Variants in CHSY3 observed in about 807,000 individuals in gnomAD.
The protein encoded by CHSY3 is chondroitin sulfate synthase 3, also known as N-acetylgalactosaminyl-proteoglycan 3-beta-glucuronosyltransferase 3.
In CHSY3, 35 loss-of-function variants were observed where a neutral mutation model predicts 67.2. The observed-to-expected ratio is 0.52, with a 90% CI of 0.40 to 0.69. CHSY3 has a LOEUF of 0.69. Among genes scored for constraint, CHSY3 ranks in the 30% least tolerant of loss-of-function variants. The probability of loss-of-function intolerance (pLI) is 0.00; values close to 1 mark genes in which losing one functional copy is unlikely to be tolerated. For synonymous variants in CHSY3, 474 were observed against 434.7 expected, an observed-to-expected ratio of 1.09 and a Z score of -1.12; for missense variants, 1,069 against 1,138.5, an observed-to-expected ratio of 0.94 and a Z score of 0.88.
intron 2 of CHSY3, among the ~76,000 whole-genome samples, chr5:129,971,588 G>A (rs944059071): frequency 1.4e-4 from 22 of 151,994 alleles, no homozygotes; most frequent in African/African-American, 5.1e-4. Flanking sequence ...TTTTACAAAT[G>A]AGAAAATTGT....
chr5:130,161,342 TTATC>T (rs1247032509), intron 2 of CHSY3, among the ~76,000 whole-genome samples: 5 of 152,210 alleles, frequency 3.3e-5, no homozygotes, highest in African/African-American at 1.2e-4. Flanking sequence ...ACTGATCTAT[TTATC>T]TATCCTAGTA....
intron 2 of CHSY3, among the ~76,000 whole-genome samples, chr5:129,949,361 A>G (rs1761957165): frequency 6.6e-6 from 1 of 152,178 alleles, no homozygotes; most frequent in African/African-American, 2.4e-5. Flanking sequence ...TAATGAATAA[A>G]TTTCTAAAGA....
chr5:130,117,801 C>G (rs1231711013), intron 2 of CHSY3, among the ~76,000 whole-genome samples: 8 of 152,094 alleles, frequency 5.3e-5, no homozygotes, highest in Non-Finnish European at 1.5e-5. Flanking sequence ...TCTTGATGCT[C>G]AGAATAACAC....
At chr5:130,099,993 CAA>C (rs58827394) in intron 2 of CHSY3, among the ~76,000 whole-genome samples, 2 of 142,866 alleles carry the variant, frequency 1.4e-5, no homozygotes, top group African/African-American at 5.1e-5. Flanking sequence ...GTAGTGACTA[CAA>C]AAAAAAAATA....
chr5:130,020,640 T>C (rs1764364185), intron 2 of CHSY3, among the ~76,000 whole-genome samples: 1 of 151,600 alleles, frequency 6.6e-6, no homozygotes, highest in Admixed American at 6.6e-5. Flanking sequence ...ATATTAAAAA[T>C]GTGAGTTCCC....
intron 2 of CHSY3, among the ~76,000 whole-genome samples, chr5:130,099,659 G>T (rs748802842): frequency 3.3e-5 from 5 of 152,192 alleles, no homozygotes; most frequent in Non-Finnish European, 7.3e-5. Flanking sequence ...ACTGGTGTGA[G>T]GAGCTATCTA....
intron 2 of CHSY3, among the ~76,000 whole-genome samples, chr5:129,927,593 A>G (rs2149586790): frequency 6.6e-6 from 1 of 152,190 alleles, no homozygotes; most frequent in South Asian, 2.1e-4. Context: ...TAATTGAAGG[A>G]AAATGTCTGT....
intron 1 of CHSY3, among the ~76,000 whole-genome samples, chr5:129,906,751 G>C (rs573393586): frequency 4.6e-5 from 7 of 152,198 alleles, no homozygotes; most frequent in African/African-American, 1.2e-4. Context: ...CCGGTCAAAG[G>C]GGGGCAGCCC....
At chr5:130,143,590 AT>A (rs573431818) in intron 2 of CHSY3, among the ~76,000 whole-genome samples, 36 of 151,228 alleles carry the variant, frequency 2.4e-4, no homozygotes, top group African/African-American at 8.7e-4. Flanking sequence ...ATTCAGGGTT[AT>A]TGCTACTATT....
At chr5:130,002,222 T>C (rs768130497) in intron 2 of CHSY3, 1 of 194,108 alleles carries the variant, frequency 5.2e-6, no homozygotes, top group Non-Finnish European at 9.4e-6. Flanking sequence ...ATAGGTTTTA[T>C]TGGGAAAACC....
At position 129,905,110 on chromosome 5, in the gene CHSY3, G is replaced by A. The variant is rs765146529; in HGVS notation, c.281G>A (p.Gly94Glu). The A allele has an allele frequency of 3.6e-5, 56 of 1,540,000 alleles. No individual in the cohort carries two copies. Among genetic ancestry groups the A allele is most frequent in the Non-Finnish European group, 1.2e-5 (14 of 1,149,094 alleles). The change falls in exon 1 of 3, where the codon GGG becomes GAG. Residue 94 changes from glycine to glutamate, a missense_variant. Gly to Glu is a moderately conservative substitution (Grantham distance 98). This residue lies in a region of CHSY3 where 309 missense variants were observed against 262.5 expected (regional missense o/e 1.18). Coordinates refer to ENST00000305031, the MANE Select transcript of CHSY3 (RefSeq NM_175856.5). ...CCACCGCTGCCCGAGGCAGCACCCG[G>A]GATCACCAGTTTTCGAAGCAGCCCC... ...QGPPLPEAAPGITSFRSSPWQ... is the reference protein window; with the variant it reads ...QGPPLPEAAPEITSFRSSPWQ...
At chr5:129,942,802 A>T in intron 2 of CHSY3, among the ~76,000 whole-genome samples, 1 of 152,186 alleles carries the variant, frequency 6.6e-6, no homozygotes, top group East Asian at 1.9e-4. Flanking sequence ...GATTTGGCAG[A>T]TAGAATTTAC....
intron 1 of CHSY3, among the ~76,000 whole-genome samples, chr5:129,906,946 G>A (rs893219710): frequency 6.6e-6 from 1 of 152,128 alleles, no homozygotes; most frequent in African/African-American, 2.4e-5. Context: ...TTGGAAGGAG[G>A]GAAGTCACTC....
At chr5:129,931,064 T>C (rs1329872829) in intron 2 of CHSY3, among the ~76,000 whole-genome samples, 7 of 142,680 alleles carry the variant, frequency 4.9e-5, no homozygotes, top group African/African-American at 1.7e-4. Flanking sequence ...GCTAACTGAA[T>C]TTTTTTTTTG....
intron 2 of CHSY3, among the ~76,000 whole-genome samples, chr5:130,156,799 G>A (rs1335091570): frequency 6.6e-6 from 1 of 152,162 alleles, no homozygotes; most frequent in Non-Finnish European, 1.5e-5. Flanking sequence ...ATAGGATCAG[G>A]CTTTTTGACA....
intron 2 of CHSY3, among the ~76,000 whole-genome samples, chr5:130,036,073 A>C (rs4146657): frequency 0.5 from 76,263 of 151,474 alleles, 20,290 homozygotes; most frequent in East Asian, 0.67. Flanking sequence ...TGACTGTCTC[A>C]AAAAAATATG....
intron 2 of CHSY3, among the ~76,000 whole-genome samples, chr5:130,014,615 A>G (rs1041729948): frequency 6.6e-6 from 1 of 152,194 alleles, no homozygotes; most frequent in African/African-American, 2.4e-5. Context: ...AGGTCCCTCC[A>G]ATGACATGTG....
At chr5:130,051,547 C>T (rs977269116) in intron 2 of CHSY3, among the ~76,000 whole-genome samples, 1 of 151,876 alleles carries the variant, frequency 6.6e-6, no homozygotes, top group African/African-American at 2.4e-5. Flanking sequence ...CAAAGAATGA[C>T]CTAGAAAATG....
At chr5:130,073,133 TAA>T (rs1302555929) in intron 2 of CHSY3, among the ~76,000 whole-genome samples, 1 of 152,120 alleles carries the variant, frequency 6.6e-6, no homozygotes, top group Admixed American at 6.6e-5. Context: ...TCAGAATTGC[TAA>T]AAGAGTAGAT....
Sources: allele counts gnomAD v4.1 joint callset (sites outside exome capture counted in the v4.1 genomes callset), GRCh38; gene constraint gnomAD v4.1.1; regional missense constraint gnomAD v4.1.1; transcripts MANE v1.5; gene names NCBI Gene and HGNC (gene_info 2026-07-23, HGNC 2026-07-21).